SPHKAP: variants seen among roughly 807,000 people sequenced by gnomAD.
The protein encoded by SPHKAP is SPHK1 interactor, AKAP domain containing.
Under a neutral mutation model 137.5 loss-of-function variants are expected in SPHKAP, and 67 were observed. The ratio of observed to expected loss-of-function variants is 0.49; its 90% CI spans 0.40 to 0.60. The LOEUF (loss-of-function observed/expected upper bound fraction) is 0.60, where lower values mean the gene tolerates loss of function less well. Ranked by LOEUF, SPHKAP falls within the 20% of genes least tolerant of loss-of-function variation. The probability of loss-of-function intolerance (pLI) is 0.00; values close to 1 mark genes in which losing one functional copy is unlikely to be tolerated. For missense variants in SPHKAP, 2,097 were observed against 2,069.3 expected, an observed-to-expected ratio of 1.01 and a Z score of -0.26; for synonymous variants, 813 against 785.3, an observed-to-expected ratio of 1.04 and a Z score of -0.59.
At chr2:228,178,311 G>T (rs13404746) in intron 1 of SPHKAP, among the ~76,000 whole-genome samples, 18,831 of 152,036 alleles carry the variant, frequency 0.12, 1,180 homozygotes, top group East Asian at 0.19. Context: ...AATTTCCTTT[G>T]GCTTCAGAGT....
intron 1 of SPHKAP, among the ~76,000 whole-genome samples, chr2:228,171,779 TC>T (rs898933443): frequency 6.6e-6 from 1 of 152,158 alleles, no homozygotes; most frequent in African/African-American, 2.4e-5. Flanking sequence ...TCTTTCTTAC[TC>T]CATTGAGAGT....
rs1694748789 is a variant in SPHKAP at position 228,019,437 on chromosome 2, T to C, written c.1417A>G (p.Met473Val). 9.3e-6 allele frequency: 15 copies of C among 1,614,044 alleles called. No homozygotes were observed. Among genetic ancestry groups the C allele is most frequent in the Non-Finnish European group, 1.3e-5 (15 of 1,180,030 alleles). Reference protein sequence around the residue: ...PQPGISSWPEMEVSVETSSIL... With the variant: ...PQPGISSWPEVEVSVETSSIL... ...CTTGAGGTTTCAACAGAGACTTCCA[T>C]CTCAGGCCAGGAGGAGATGCCTGGC... Residue 473 changes from methionine (M) to valine (V), a missense_variant, in exon 7 of 12, where the codon ATG becomes GTG. Transcript: ENST00000392056.
rs558528920 is a variant in SPHKAP at position 228,021,760 on chromosome 2, G to A, written c.648C>T (p.Thr216=). 3.2e-5 allele frequency: 52 copies of A among 1,613,988 alleles called. No homozygotes were observed. Among genetic ancestry groups the A allele is most frequent in the South Asian group, 3.1e-4 (28 of 91,076 alleles). Residue 216 remains threonine (T), a synonymous_variant, in exon 6 of 12, where the codon ACC becomes ACT. Coordinates refer to ENST00000392056, the MANE Select transcript of SPHKAP (RefSeq NM_001142644.2). ...TTTCCTCCTCCAAGTGCTCAGAAGC[G>A]GTGAGAAAGTCTTCCTCGATTGAAG... ...SLSSIEEDFL[T]ASEHLEEESE... is the part of the protein sequence containing the mutation.
chr2:228,146,933 T>C lies in SPHKAP; in HGVS notation c.33-14848A>G, dbSNP rs186536740. On this transcript the variant is annotated intron_variant, in intron 1 of 11. Coordinates refer to ENST00000392056, the MANE Select transcript of SPHKAP (RefSeq NM_001142644.2). ...CAATATCTATAAAAATAAAATTCAG[T>C]AATTATATCTTCACCCCTCAATGTT... Among the ~76,000 whole-genome samples the C allele has an allele frequency of 1.2e-3, 189 of 152,354 alleles. 1 individual carries two copies. Among genetic ancestry groups the C allele is most frequent in the Middle Eastern group, 6.8e-3 (2 of 294 alleles).
In SPHKAP at chr2:228,018,681, T is replaced by G; in HGVS notation, c.2173A>C (p.Ser725Arg). The G allele has an allele frequency of 6.2e-7, 1 of 1,614,204 alleles. No homozygotes were observed. Among genetic ancestry groups the G allele is most frequent in the Non-Finnish European group, 8.5e-7 (1 of 1,180,032 alleles). The change falls in exon 7 of 12, where the codon AGT becomes CGT. Residue 725 changes from serine to arginine, a missense_variant. Coordinates refer to ENST00000392056, the MANE Select transcript of SPHKAP (RefSeq NM_001142644.2). The part of the protein sequence containing the change: ...DVICFTFKKM[S>R]HIVRLGECPA... ...CATTCACCAAGCCGTACAATATGAC[T>G]CATCTTCTTGAACGTGAAGCATATC...
rs759434968 is a variant in SPHKAP, at chr2:228,018,588, G to C, written c.2266C>G (p.Pro756Ala). ...TTTGTCCAAGCTTGACTAGCACCCG[G>C]ATCAGATGGCTGGCAGCTTGGTTCT... is the stretch of plus-strand genomic sequence containing the variant. The part of the protein sequence containing the change: ...ETEPSCQPSD[P>A]GASQAWTKAT... The change falls in exon 7 of 12, where the codon CCG becomes GCG. Residue 756 changes from proline (P) to alanine (A), a missense_variant. Transcript: ENST00000392056. 1.9e-6 allele frequency: 3 copies of C among 1,613,982 alleles called. No individual in the cohort carries two copies. The highest frequency in any genetic ancestry group is 2.5e-6 in the Non-Finnish European group (3 of 1,179,926).
chr2:228,052,492 C>T (rs1157463065), intron 3 of SPHKAP, among the ~76,000 whole-genome samples: 2 of 152,120 alleles, frequency 1.3e-5, no homozygotes, highest in Non-Finnish European at 2.9e-5. Context: ...CAATATAACA[C>T]TGTTCAATAG....
At chr2:228,011,817 A>G (rs1291446324) in intron 7 of SPHKAP, among the ~76,000 whole-genome samples, 3 of 152,160 alleles carry the variant, frequency 2.0e-5, no homozygotes, top group African/African-American at 7.2e-5. Context: ...CTAGCACCTC[A>G]CATACTTATA....
intron 1 of SPHKAP, among the ~76,000 whole-genome samples, chr2:228,154,663 C>T (rs1448012999): frequency 2.8e-5 from 4 of 144,688 alleles, no homozygotes; most frequent in African/African-American, 1.0e-4. Context: ...ATTCTCCTAC[C>T]TCAGCCTCCC....
At chr2:228,157,643 G>A (rs1700145265) in intron 1 of SPHKAP, among the ~76,000 whole-genome samples, 4 of 151,972 alleles carry the variant, frequency 2.6e-5, no homozygotes. Flanking sequence ...CTCATTGCAG[G>A]CACTTCTACT....
chr2:228,075,476 T>C (rs961597250), intron 3 of SPHKAP, among the ~76,000 whole-genome samples: 9 of 152,180 alleles, frequency 5.9e-5, no homozygotes, highest in African/African-American at 1.9e-4. Context: ...TTGCAAACCA[T>C]GCATCGAATC....
At chr2:228,145,121 T>C (rs1228436140) in intron 1 of SPHKAP, among the ~76,000 whole-genome samples, 1 of 152,194 alleles carries the variant, frequency 6.6e-6, no homozygotes, top group African/African-American at 2.4e-5. Flanking sequence ...TTCTGGATAA[T>C]GAGACTTAAA....
chr2:228,163,836 C>T (rs553681117), intron 1 of SPHKAP, among the ~76,000 whole-genome samples: 1 of 152,218 alleles, frequency 6.6e-6, no homozygotes, highest in East Asian at 1.9e-4. Flanking sequence ...TTGAATAATC[C>T]TATTCTGGTG....
chr2:228,019,558 G>C lies in SPHKAP; in HGVS notation c.1296C>G (p.Cys432Trp). The change falls in exon 7 of 12, where the codon TGC becomes TGG. Residue 432 changes from cysteine (C) to tryptophan (W), a missense_variant. By Grantham distance (215) the Cys-to-Trp change is radical. Transcript: ENST00000392056. Reference protein sequence around the residue: ...VSVGSSLLPSCYSTKDTVVSR... With the variant: ...VSVGSSLLPSWYSTKDTVVSR... The stretch of plus-strand genomic sequence containing the variant: ...AAACCACTGTATCTTTTGTGGAATA[G>C]CAACTGGGAAGCAGAGAACTTCCTA... 10 of 1,614,192 alleles carry C rather than the reference G, an allele frequency of 6.2e-6. No individual in the cohort carries two copies. Among genetic ancestry groups the C allele is most frequent in the South Asian group, 1.1e-5 (1 of 91,084 alleles).
At chr2:228,067,358 A>G (rs957694703) in intron 3 of SPHKAP, among the ~76,000 whole-genome samples, 1 of 152,222 alleles carries the variant, frequency 6.6e-6, no homozygotes, top group African/African-American at 2.4e-5. Context: ...TAAAATCTCA[A>G]TATCAAGCAA....
chr2:228,163,477 GCTC>G (rs1410561583), intron 1 of SPHKAP, among the ~76,000 whole-genome samples: 5 of 152,218 alleles, frequency 3.3e-5, no homozygotes, highest in African/African-American at 1.2e-4. Context: ...CCCACTACCA[GCTC>G]CTCCTCCTCA....
At chr2:227,987,471 T>C (rs1693254191) in intron 11 of SPHKAP, among the ~76,000 whole-genome samples, 1 of 149,464 alleles carries the variant, frequency 6.7e-6, no homozygotes, top group Non-Finnish European at 1.5e-5. Context: ...CTCCAGGGTG[T>C]ATAACAGTGC....
At chr2:228,080,611 G>A (rs1034362382) in intron 3 of SPHKAP, among the ~76,000 whole-genome samples, 3 of 152,096 alleles carry the variant, frequency 2.0e-5, no homozygotes, top group African/African-American at 7.2e-5. Context: ...GGAGGCTGAG[G>A]CAGGAGAATC....
At chr2:228,002,393 C>T (rs1028959617) in intron 7 of SPHKAP, among the ~76,000 whole-genome samples, 1 of 152,188 alleles carries the variant, frequency 6.6e-6, no homozygotes, top group African/African-American at 2.4e-5. Flanking sequence ...TGCTCATCTC[C>T]TTCACCCACT....
Sources: allele counts gnomAD v4.1 joint callset (sites outside exome capture counted in the v4.1 genomes callset), GRCh38; gene constraint gnomAD v4.1.1; transcripts MANE v1.5; gene names NCBI Gene and HGNC (gene_info 2026-07-23, HGNC 2026-07-21).